The following RPS6KC1 variants were observed in gnomAD, a reference collection of about 807,000 sequenced individuals.
RPS6KC1 encodes inactive ribosomal protein S6 kinase delta-1.
In RPS6KC1, 54 loss-of-function variants were observed where a neutral mutation model predicts 103.8. The ratio of observed to expected loss-of-function variants is 0.52; its 90% CI spans 0.42 to 0.65. The LOEUF (loss-of-function observed/expected upper bound fraction) is 0.65, where lower values mean the gene tolerates loss of function less well. Ranked by LOEUF, RPS6KC1 falls within the 30% of genes least tolerant of loss-of-function variation. The pLI, the probability that RPS6KC1 is intolerant of heterozygous loss-of-function variation, is 0.00. For synonymous variants in RPS6KC1, 439 were observed against 438.7 expected (o/e 1.00, Z -0.01); for missense variants, 1,151 against 1,253.8 (o/e 0.92, Z 1.24).
At chr1:213,456,940 G>T in the RPS6KC1 span, among the ~76,000 whole-genome samples, 1 of 152,186 alleles carries the variant, frequency 6.6e-6, no homozygotes, top group African/African-American at 2.4e-5. Flanking sequence ...TATTTTTGGG[G>T]GGTTTCATAT....
At chr1:213,793,883 T>TTG in the RPS6KC1 span, among the ~76,000 whole-genome samples, 1 of 151,986 alleles carries the variant, frequency 6.6e-6, no homozygotes, top group African/African-American at 2.4e-5. Flanking sequence ...TGTGTGTGTT[T>TTG]TGTGTGTGTG....
the RPS6KC1 span, among the ~76,000 whole-genome samples, chr1:213,503,135 A>G: frequency 6.8e-6 from 1 of 147,192 alleles, no homozygotes; most frequent in Non-Finnish European, 1.5e-5. Flanking sequence ...TGGCTGTTCC[A>G]TCTCTTCTAC....
chr1:213,361,256 G>T, the RPS6KC1 span, among the ~76,000 whole-genome samples: 1 of 152,256 alleles, frequency 6.6e-6, no homozygotes, highest in South Asian at 2.1e-4. Context: ...CCTCAGCAAT[G>T]GCAGGCGCCC....
intron 5 of RPS6KC1, among the ~76,000 whole-genome samples, chr1:213,123,930 T>C (rs984393486): frequency 3.3e-5 from 5 of 152,184 alleles, no homozygotes; most frequent in African/African-American, 1.2e-4. Flanking sequence ...AGATTTCTGA[T>C]AGTTTATAGT....
At chr1:213,290,936 G>A in the RPS6KC1 span, among the ~76,000 whole-genome samples, 1 of 152,160 alleles carries the variant, frequency 6.6e-6, no homozygotes, top group Non-Finnish European at 1.5e-5. Context: ...TAATCTCACT[G>A]CAAATGGCAG....
At chr1:213,075,486 A>G (rs1288722078) in intron 2 of RPS6KC1, among the ~76,000 whole-genome samples, 2 of 152,182 alleles carry the variant, frequency 1.3e-5, no homozygotes, top group East Asian at 3.9e-4. Context: ...CTTTTAATCT[A>G]CAAGCTAATA....
chr1:213,285,218 C>A, the RPS6KC1 span, among the ~76,000 whole-genome samples: 2 of 152,104 alleles, frequency 1.3e-5, no homozygotes, highest in Non-Finnish European at 2.9e-5. Flanking sequence ...CAGGGGAGAG[C>A]AGAGAGAGGA....
the RPS6KC1 span, among the ~76,000 whole-genome samples, chr1:213,736,504 A>G: frequency 1.3e-5 from 2 of 152,286 alleles, no homozygotes; most frequent in East Asian, 3.9e-4. Flanking sequence ...GCTCTAGTCT[A>G]CTAACATAGA....
chr1:213,425,531 C>T, the RPS6KC1 span, among the ~76,000 whole-genome samples: 1 of 152,206 alleles, frequency 6.6e-6, no homozygotes, highest in Non-Finnish European at 1.5e-5. Context: ...AATGTATCAT[C>T]TAATTGGGCA....
At chr1:213,296,211 A>C in the RPS6KC1 span, among the ~76,000 whole-genome samples, 1 of 152,344 alleles carries the variant, frequency 6.6e-6, no homozygotes, top group South Asian at 2.1e-4. Flanking sequence ...TTGTACATGT[A>C]AGAAGCCAGA....
At chr1:213,745,288 T>G in the RPS6KC1 span, among the ~76,000 whole-genome samples, 1 of 150,598 alleles carries the variant, frequency 6.6e-6, no homozygotes, top group Non-Finnish European at 1.5e-5. Context: ...GGAAGGAGAG[T>G]TTTGAGATGA....
At chr1:213,549,612 C>CTTTTTTTTTTTTTTTTTTTTTTTT in the RPS6KC1 span, among the ~76,000 whole-genome samples, 3 of 86,914 alleles carry the variant, frequency 3.5e-5, no homozygotes, top group Admixed American at 1.3e-4. Flanking sequence ...TTTTCTTTTC[C>CTTTTTTTTTTTTTTTTTTTTTTTT]TTTTTTTTTT....
chr1:213,618,722 G>A, the RPS6KC1 span, among the ~76,000 whole-genome samples: 1 of 152,224 alleles, frequency 6.6e-6, no homozygotes, highest in South Asian at 2.1e-4. Flanking sequence ...GTCATGGAGT[G>A]CAAAGTATCA....
chr1:213,068,203 C>T (rs1414314502), intron 1 of RPS6KC1, among the ~76,000 whole-genome samples: 2 of 151,852 alleles, frequency 1.3e-5, no homozygotes, highest in African/African-American at 4.8e-5. Context: ...AATGTAAGAA[C>T]GGCGGGGCGC....
At chr1:213,196,092 C>T (rs187252366) in intron 8 of RPS6KC1, among the ~76,000 whole-genome samples, 1 of 152,218 alleles carries the variant, frequency 6.6e-6, no homozygotes, top group East Asian at 1.9e-4. Context: ...TTTACATTTC[C>T]ACTAGCAGTG....
At chr1:213,527,706 A>T in the RPS6KC1 span, among the ~76,000 whole-genome samples, 1 of 152,058 alleles carries the variant, frequency 6.6e-6, no homozygotes, top group Non-Finnish European at 1.5e-5. Flanking sequence ...GTAATTGTAC[A>T]TACAATTGAC....
intron 6 of RPS6KC1, among the ~76,000 whole-genome samples, chr1:213,131,091 T>C (rs1388008724): frequency 1.3e-5 from 2 of 152,192 alleles, no homozygotes; most frequent in African/African-American, 4.8e-5. Context: ...GTTTGCCATC[T>C]TCAACTGGGA....
the RPS6KC1 span, among the ~76,000 whole-genome samples, chr1:213,854,887 GA>G: frequency 2.6e-5 from 4 of 152,196 alleles, no homozygotes; most frequent in Non-Finnish European, 4.4e-5. Flanking sequence ...GCTATAACAA[GA>G]TACCATAATC....
At chr1:213,689,477 G>A in the RPS6KC1 span, among the ~76,000 whole-genome samples, 1 of 152,180 alleles carries the variant, frequency 6.6e-6, no homozygotes, top group Non-Finnish European at 1.5e-5. Context: ...TTGCTAAGAA[G>A]CCATTTTCTG....
Sources: allele counts gnomAD v4.1 joint callset (sites outside exome capture counted in the v4.1 genomes callset), GRCh38; gene constraint gnomAD v4.1.1; transcripts MANE v1.5; gene names NCBI Gene and HGNC (gene_info 2026-07-23, HGNC 2026-07-21).